MAP4: variants seen among roughly 807,000 people sequenced by gnomAD.
MAP4 encodes microtubule-associated protein 4.
Under a neutral mutation model 170.2 loss-of-function variants are expected in MAP4, and 76 were observed. That is an observed-to-expected ratio of 0.45 (90% CI 0.37 to 0.54). MAP4 has a LOEUF of 0.54. Among genes scored for constraint, MAP4 ranks in the 20% least tolerant of loss-of-function variants. The pLI is 0.00. For synonymous variants in MAP4, 909 were observed against 994.5 expected (o/e 0.91, Z 1.62); for missense variants, 2,506 against 2,748.0 (o/e 0.91, Z 1.97).
rs1197772113 is a variant in MAP4 at position 47,870,842 on chromosome 3, T to C, written c.6265A>G (p.Asn2089Asp). The change falls in exon 15 of 21, where the codon AAC (asparagine) becomes GAC (aspartate). Residue 2089 changes from asparagine (N) to aspartate (D), a missense_variant. By Grantham distance (23) the Asn-to-Asp change is conservative (BLOSUM62 1). Transcript: ENST00000683076. ...CCTCCTCCAGGCTGATGCTTGATGT[T>C]TTCCGTGGAGCCAACCTTGGAGCGG... is the stretch of plus-strand genomic sequence containing the variant. ...NVRSKVGSTE[N>D]IKHQPGGGRA... is the part of the protein sequence containing the mutation. 3 of 1,585,598 alleles carry C rather than the reference T, an allele frequency of 1.9e-6. No individual in the cohort carries two copies. Among genetic ancestry groups the C allele is most frequent in the Non-Finnish European group, 8.6e-7 (1 of 1,163,638 alleles).
At chr3:47,874,995 A>G (rs1398855686) in intron 12 of MAP4, among the ~76,000 whole-genome samples, 1 of 150,978 alleles carries the variant, frequency 6.6e-6, no homozygotes, top group Non-Finnish European at 1.5e-5. Flanking sequence ...CTCCTGGAGC[A>G]ATTCTGTAAC....
intron 1 of MAP4, among the ~76,000 whole-genome samples, chr3:48,056,142 C>A (rs2100131254): frequency 1.4e-5 from 2 of 145,820 alleles, no homozygotes; most frequent in South Asian, 4.5e-4. Context: ...GCCCGGCCAG[C>A]CGCCCCATCC....
intron 3 of MAP4, chr3:47,973,081 A>G: frequency 3.1e-6 from 3 of 982,076 alleles, no homozygotes; most frequent in Non-Finnish European, 3.6e-6. Context: ...CCAGTCCATA[A>G]GGTGTTAATG....
intron 10 of MAP4, 28 bp from the exon 11 acceptor site, chr3:47,877,551 T>C (rs1303403525): frequency 1.4e-5 from 21 of 1,497,538 alleles, no homozygotes; most frequent in Non-Finnish European, 1.8e-5. Flanking sequence ...GTGGGAATTA[T>C]GCTAAGCAAA....
chr3:47,983,538 C>CA (rs541032567), intron 2 of MAP4, among the ~76,000 whole-genome samples: 156 of 152,182 alleles, frequency 1.0e-3, no homozygotes, highest in Admixed American at 2.5e-3. Flanking sequence ...AGGCATGTGC[C>CA]ACCATGCCCG....
intron 3 of MAP4, among the ~76,000 whole-genome samples, chr3:47,945,736 T>G (rs2154056094): frequency 6.6e-6 from 1 of 152,044 alleles, no homozygotes; most frequent in South Asian, 2.1e-4. Context: ...TTTATTTTTT[T>G]GGAGGCAGGG....
At chr3:48,081,500 CAATT>C (rs1254257654) in intron 1 of MAP4, among the ~76,000 whole-genome samples, 1 of 151,738 alleles carries the variant, frequency 6.6e-6, no homozygotes, top group African/African-American at 2.4e-5. Context: ...CTTTATATGA[CAATT>C]AAGACTATTT....
chr3:48,012,146 A>G (rs1229939143), intron 1 of MAP4, among the ~76,000 whole-genome samples: 1 of 152,064 alleles, frequency 6.6e-6, no homozygotes, highest in Admixed American at 6.6e-5. Flanking sequence ...CCTTTTTTGC[A>G]TACTCACAAA....
intron 3 of MAP4, among the ~76,000 whole-genome samples, chr3:47,956,924 C>T (rs2100068165): frequency 6.6e-6 from 1 of 152,186 alleles, no homozygotes. Flanking sequence ...CAGACTAACT[C>T]TGAGCCCTGA....
intron 1 of MAP4, among the ~76,000 whole-genome samples, chr3:48,044,445 G>A (rs2100123318): frequency 6.6e-6 from 1 of 150,864 alleles, no homozygotes; most frequent in Admixed American, 6.6e-5. Context: ...GTAAGCCACA[G>A]TGCCCGGCCG....
rs1046219053 is a variant in MAP4 at position 47,912,055 on chromosome 3, G to A, written c.2366C>T (p.Ser789Leu). The change falls in exon 9 of 21, where the codon TCG becomes TTG. Residue 789 changes from serine (S) to leucine (L), a missense_variant. Ser to Leu is a moderately radical substitution (Grantham distance 145). Coordinates refer to ENST00000683076, the MANE Select transcript of MAP4 (RefSeq NM_001385682.1). ...AGGCTTATCTGCATTGTCATCATCC[G>A]AAGGTCCTCCAGCCCGTGGTTGAGA... ...RYSQPRAGGPSDDDNADKPKG... is the reference protein window; with the variant it reads ...RYSQPRAGGPLDDDNADKPKG... The A allele has an allele frequency of 6.1e-5, 94 of 1,536,018 alleles. No individual in the cohort carries two copies. The highest frequency in any genetic ancestry group is 1.4e-4 in the African/African-American group (10 of 73,032).
At chr3:47,992,032 C>G (rs1410852934) in intron 2 of MAP4, among the ~76,000 whole-genome samples, 1 of 151,558 alleles carries the variant, frequency 6.6e-6, no homozygotes, top group Non-Finnish European at 1.5e-5. Context: ...TGAACCTCAT[C>G]TAAGAACAAA....
In MAP4 at chr3:47,915,972, G is replaced by C; in HGVS notation, c.1855C>G (p.Pro619Ala). 6.2e-7 allele frequency: 1 copy of C among 1,612,720 alleles called. No homozygotes were observed. Among genetic ancestry groups the C allele is most frequent in the African/African-American group, 1.3e-5 (1 of 75,052 alleles). The change falls in exon 7 of 21, where the codon CCT (proline) becomes GCT (alanine). Residue 619 changes from proline to alanine, a missense_variant. Pro to Ala is a conservative substitution (Grantham distance 27). Around this residue, in one of 3 missense-constraint regions of MAP4, gnomAD observed 2,008 missense variants for 2,206.0 expected, o/e 0.91. Coordinates refer to ENST00000683076, the MANE Select transcript of MAP4 (RefSeq NM_001385682.1). ...SLQDVGQSAA[P>A]TFMISPETVT... ...GTACCTGGTGAAATCATGAAAGTAG[G>C]TGCAGCTGACTGCCCCACATCCTGC... is the stretch of plus-strand genomic sequence containing the variant.
At chr3:48,012,517 C>A (rs374091440) in intron 1 of MAP4, among the ~76,000 whole-genome samples, 3 of 152,304 alleles carry the variant, frequency 2.0e-5, no homozygotes, top group South Asian at 4.2e-4. Flanking sequence ...CTACTCAAAT[C>A]TTTTCCTCAT....
In MAP4 at chr3:47,909,620, T is replaced by C; in HGVS notation, c.4801A>G (p.Asn1601Asp). 1.2e-6 allele frequency: 2 copies of C among 1,613,776 alleles called. No individual in the cohort carries two copies. Among genetic ancestry groups the C allele is most frequent in the African/African-American group, 2.7e-5 (2 of 75,046 alleles). Residue 1601 changes from asparagine to aspartate, a missense_variant, in exon 9 of 21, where the codon AAT becomes GAT. Coordinates refer to ENST00000683076, the MANE Select transcript of MAP4 (RefSeq NM_001385682.1). ...TCATTCACTGGATGTGCTGGGAAATTACCTCTATCTGCATATCCTTCTAGG... is the reference window on the plus strand; with the variant it reads ...TCATTCACTGGATGTGCTGGGAAATCACCTCTATCTGCATATCCTTCTAGG... ...RALEGYADRG[N>D]FPAHPVNEEK...
chr3:47,922,325 A>G (rs2100043400), intron 4 of MAP4, among the ~76,000 whole-genome samples: 1 of 152,234 alleles, frequency 6.6e-6, no homozygotes, highest in South Asian at 2.1e-4. Context: ...GTGACTGCAC[A>G]TGGTAGAGAA....
intron 1 of MAP4, among the ~76,000 whole-genome samples, chr3:48,076,770 T>A (rs1249639816): frequency 1.3e-5 from 2 of 152,106 alleles, no homozygotes; most frequent in Non-Finnish European, 2.9e-5. Context: ...AGGCAATCGT[T>A]TCTTAGATGT....
chr3:47,907,009 A>T (rs2100033476), intron 9 of MAP4, among the ~76,000 whole-genome samples: 1 of 151,834 alleles, frequency 6.6e-6, no homozygotes, highest in African/African-American at 2.4e-5. Flanking sequence ...CTAGTTTTGT[A>T]TTTTTAGTAG....
At chr3:48,084,962 T>C (rs2100148360) in intron 1 of MAP4, among the ~76,000 whole-genome samples, 1 of 151,858 alleles carries the variant, frequency 6.6e-6, no homozygotes, top group African/African-American at 2.4e-5. Context: ...TTAACCTTAA[T>C]TGTTCTCAAC....
Sources: gnomAD v4.1 joint callset for allele counts (sites outside exome capture counted in the v4.1 genomes callset) on GRCh38, gnomAD v4.1.1 for gene constraint, gnomAD v4.1.1 regional missense constraint, MANE v1.5 for transcripts, NCBI Gene and HGNC (gene_info 2026-07-23, HGNC 2026-07-21) for gene names.